The following CCDC88C variants were observed in gnomAD, a reference collection of about 807,000 sequenced individuals.
CCDC88C encodes the protein coiled-coil and HOOK domain protein 88C.
In CCDC88C, 131 loss-of-function variants were observed where a neutral mutation model predicts 198.8. The observed-to-expected ratio is 0.66, with a 90% confidence interval of 0.57 to 0.76. The LOEUF is 0.76. CCDC88C is among the 30% of genes least tolerant of loss of function. The pLI, the probability that CCDC88C is intolerant of heterozygous loss-of-function variation, is 0.00. For synonymous variants in CCDC88C, 1,166 were observed against 1,114.7 expected (o/e 1.05, Z -0.92); for missense variants, 2,553 against 2,631.6 (o/e 0.97, Z 0.65).
intron 3 of CCDC88C, among the ~76,000 whole-genome samples, chr14:91,372,537 G>GGGGGGGGGGGGGGGGGGGGGGGGGGGT (rs1894860192): frequency 9.6e-6 from 1 of 103,922 alleles, no homozygotes; most frequent in Non-Finnish European, 1.9e-5. Flanking sequence ...GCGGGGGGGG[G>GGGGGGGGGGGGGGGGGGGGGGGGGGGT]CGGGCGGGGG....
intron 19 of CCDC88C, among the ~76,000 whole-genome samples, chr14:91,305,142 G>A (rs1464266036): frequency 6.6e-6 from 1 of 152,100 alleles, no homozygotes; most frequent in East Asian, 1.9e-4. Context: ...AGCTTGCAGT[G>A]AGCCGAGATC....
rs751475404 is a variant in CCDC88C at position 91,408,652 on chromosome 14, C to T, written c.270+7G>A. 5.5e-5 allele frequency: 86 copies of T among 1,553,630 alleles called. No homozygotes were observed. Among genetic ancestry groups the T allele is most frequent in the Non-Finnish European group, 7.6e-5 (85 of 1,125,270 alleles). On this transcript the variant is annotated splice_region_variant and intron_variant, in intron 3 of 29. Coordinates refer to ENST00000389857, the MANE Select transcript of CCDC88C (RefSeq NM_001080414.4). ...ATCAGAATTCCCGACAGCAGAACTGCCCTTACCTGGTAGTAGGTCTTAATG... is the reference window on the plus strand; with the variant it reads ...ATCAGAATTCCCGACAGCAGAACTGTCCTTACCTGGTAGTAGGTCTTAATG...
chr14:91,406,802 G>C (rs1204477173), intron 3 of CCDC88C, among the ~76,000 whole-genome samples: 1 of 152,194 alleles, frequency 6.6e-6, no homozygotes, highest in Non-Finnish European at 1.5e-5. Context: ...GCTGTCGCGA[G>C]GGAGACGCCA....
rs144908493 is a variant in CCDC88C at position 91,408,533 on chromosome 14, C to T, written c.270+126G>A. On this transcript the variant is annotated intron_variant, in intron 3 of 29. Transcript: ENST00000389857. ...AACAAAGGGTTCACATGAAAGCAGA[C>T]CAACTGTCAACAAGTAGAGGCCTAA... 42 of 685,752 alleles carry T rather than the reference C, an allele frequency of 6.1e-5. No homozygotes were observed. In the African/African-American group the frequency reaches 7.0e-4, roughly 11 times the overall value. The allele number at this position is 685,752 out of a possible 1,614,324, so 42.5% of individuals were successfully genotyped here.
chr14:91,369,860 G>A (rs1397206538), intron 3 of CCDC88C, among the ~76,000 whole-genome samples: 1 of 152,100 alleles, frequency 6.6e-6, no homozygotes, highest in East Asian at 1.9e-4. Flanking sequence ...GCCCAGGAGC[G>A]CCGGCTCCCC....
chr14:91,318,917 C>CAAAAAAAAAAAAA, intron 13 of CCDC88C, among the ~76,000 whole-genome samples: 1 of 105,288 alleles, frequency 9.5e-6, no homozygotes, highest in Non-Finnish European at 1.9e-5. Flanking sequence ...AGACTCCGTC[C>CAAAAAAAAAAAAA]AAAAAAAAAA....
intron 3 of CCDC88C, among the ~76,000 whole-genome samples, chr14:91,406,370 A>AC (rs139368877): frequency 0.038 from 5,786 of 152,122 alleles, 386 homozygotes; most frequent in African/African-American, 0.13. Flanking sequence ...GACCTTCATC[A>AC]ATCCAAGCTC....
chr14:91,374,268 T>C (rs548284903), intron 3 of CCDC88C, among the ~76,000 whole-genome samples: 35 of 152,336 alleles, frequency 2.3e-4, no homozygotes, highest in African/African-American at 7.5e-4. Context: ...CTAGACACAC[T>C]GTGTCTATTA....
At chr14:91,358,857 G>A (rs1055861242) in intron 4 of CCDC88C, among the ~76,000 whole-genome samples, 5 of 152,124 alleles carry the variant, frequency 3.3e-5, no homozygotes, top group Non-Finnish European at 7.4e-5. Context: ...GACCTAGAAC[G>A]CGTGCCTGCC....
rs375001409 is a variant in CCDC88C, at chr14:91,310,656, T to G, written c.2737-670A>C. On this transcript the variant is annotated intron_variant, in intron 15 of 29. Transcript: ENST00000389857. ...AACTCCTGGCCTCAAGCAATCTTTCTACCTTGGTCTTCCAAAGTGCTGGGA... is the reference window on the plus strand; with the variant it reads ...AACTCCTGGCCTCAAGCAATCTTTCGACCTTGGTCTTCCAAAGTGCTGGGA... 2.4e-4 allele frequency among the ~76,000 whole-genome samples: 37 copies of G among 152,314 alleles called. 2 individuals are homozygous for G. The highest frequency in any genetic ancestry group is 8.7e-4 in the African/African-American group (36 of 41,570).
At chr14:91,361,195 T>C (rs1004962918) in intron 3 of CCDC88C, among the ~76,000 whole-genome samples, 6 of 151,874 alleles carry the variant, frequency 4.0e-5, no homozygotes, top group African/African-American at 1.5e-4. Flanking sequence ...ATAACTATTC[T>C]ACAAGTGGCC....
Position 91,314,073 on chromosome 14 carries a change from A to G in CCDC88C, c.1743T>C (p.Ser581=), listed in dbSNP as rs746174039. 2.5e-6 allele frequency: 4 copies of G among 1,613,276 alleles called. No individual in the cohort carries two copies. In the African/African-American group the frequency reaches 5.4e-5, roughly 22 times the overall value. Residue 581 remains serine, a synonymous_variant, in exon 15 of 30, where the codon AGT becomes AGC. Transcript: ENST00000389857. ...WSLRERSQVS[S]EARMKDVEKE... ...TCTCCACGTCTTTCATGCGGGCCTC[A>G]CTGCTGACCTGCGACCTCTCCCGCA...
intron 3 of CCDC88C, among the ~76,000 whole-genome samples, chr14:91,369,358 C>T (rs184352293): frequency 3.2e-4 from 49 of 152,244 alleles, no homozygotes; most frequent in Admixed American, 1.2e-3. Context: ...AGGCGCCTGC[C>T]GTCATGTCCG....
chr14:91,417,287 G>A (rs1204963161), intron 1 of CCDC88C: 15 of 677,990 alleles, frequency 2.2e-5, no homozygotes, highest in East Asian at 8.1e-5. Flanking sequence ...GGTCCTTTTC[G>A]GGAGTGGCTA....
In CCDC88C at chr14:91,325,851, G is replaced by A. The variant is rs765210116; in HGVS notation, c.1197+59C>T. ...CCCAAAGTGCTGGGATTACAGGCAT[G>A]AGCCACTGTGCCCGAGCCCAATCTG... is the stretch of plus-strand genomic sequence containing the variant. On this transcript the variant is annotated intron_variant, in intron 11 of 29. Transcript: ENST00000389857. The surrounding 1 kb of genome is among the most constrained non-coding windows in gnomAD (Gnocchi z 4.1). 52 of 1,505,328 alleles carry A rather than the reference G, an allele frequency of 3.5e-5. No individual in the cohort carries two copies. Among genetic ancestry groups the A allele is most frequent in the Non-Finnish European group, 4.7e-5 (52 of 1,112,186 alleles). 93.2% of individuals were successfully genotyped at this position (1,505,328 alleles called of 1,614,324 possible).
chr14:91,299,849 C>G (rs910499680), intron 21 of CCDC88C, 78 bp downstream of exon 21: 1 of 1,447,934 alleles, frequency 6.9e-7, no homozygotes, highest in Non-Finnish European at 9.1e-7. Context: ...ACTTGAACTT[C>G]TCAGTGGTTG....
chr14:91,391,102 A>G (rs537577639), intron 3 of CCDC88C, among the ~76,000 whole-genome samples: 1 of 152,306 alleles, frequency 6.6e-6, no homozygotes, highest in East Asian at 1.9e-4. Context: ...TGGCAGCCAC[A>G]CACCAGAATG....
intron 3 of CCDC88C, among the ~76,000 whole-genome samples, chr14:91,377,504 G>A (rs538358278): frequency 2.6e-5 from 4 of 152,090 alleles, no homozygotes; most frequent in African/African-American, 7.2e-5. Flanking sequence ...GGGACTCGTC[G>A]TCAGTTCTTG....
intron 20 of CCDC88C, among the ~76,000 whole-genome samples, chr14:91,301,594 G>A (rs1196879218): frequency 6.6e-6 from 1 of 152,224 alleles, no homozygotes; most frequent in Non-Finnish European, 1.5e-5. Flanking sequence ...GTGCATGCCT[G>A]TAGTCCCAGC....
Sources: allele counts gnomAD v4.1 joint callset (sites outside exome capture counted in the v4.1 genomes callset), GRCh38; gene constraint gnomAD v4.1.1; non-coding constraint Gnocchi (gnomAD v3.1); transcripts MANE v1.5; gene names NCBI Gene and HGNC (gene_info 2026-07-23, HGNC 2026-07-21).